The following RASSF5 variants were observed in gnomAD, a reference collection of about 807,000 sequenced individuals.
RASSF5 encodes the protein Ras association domain family member 5, also known as ras association domain-containing protein 5.
Under a neutral mutation model 40.5 loss-of-function variants are expected in RASSF5, and 25 were observed. That is an observed-to-expected ratio of 0.62 (90% CI 0.45 to 0.86). The LOEUF (loss-of-function observed/expected upper bound fraction) is 0.86, where lower values mean the gene tolerates loss of function less well. Ranked by LOEUF, RASSF5 falls within the 40% of genes least tolerant of loss-of-function variation. The probability of loss-of-function intolerance (pLI) is 0.00; values close to 1 mark genes in which losing one functional copy is unlikely to be tolerated. For missense variants in RASSF5, 521 were observed against 572.8 expected, an observed-to-expected ratio of 0.91 and a Z score of 0.92; for synonymous variants, 246 against 252.4, an observed-to-expected ratio of 0.97 and a Z score of 0.24.
intron 2 of RASSF5, among the ~76,000 whole-genome samples, chr1:206,570,703 T>G (rs1668423061): frequency 6.6e-6 from 1 of 152,136 alleles, no homozygotes; most frequent in African/African-American, 2.4e-5. Context: ...TTTTCAAGGT[T>G]CATCCACGTG....
At chr1:206,533,331 G>T (rs1451493570) in intron 1 of RASSF5, among the ~76,000 whole-genome samples, 2 of 152,174 alleles carry the variant, frequency 1.3e-5, no homozygotes, top group Middle Eastern at 3.2e-3. Flanking sequence ...GGCCCACTGT[G>T]ATCTCTGGAG....
At chr1:206,565,391 T>C (rs1668260072) in intron 2 of RASSF5, among the ~76,000 whole-genome samples, 1 of 152,246 alleles carries the variant, frequency 6.6e-6, no homozygotes, top group Admixed American at 6.5e-5. Context: ...CCAGGTTCCC[T>C]TTCCTTCCGG....
At chr1:206,542,258 T>C (rs1553399459) in intron 2 of RASSF5, 1 of 152,184 alleles carries the variant, frequency 6.6e-6, no homozygotes, top group Non-Finnish European at 1.5e-5. Flanking sequence ...GTTTGGGTCA[T>C]GGGGGTGGAT....
intron 2 of RASSF5, 65 bp from the exon 3 acceptor site, chr1:206,583,204 T>C: frequency 9.4e-7 from 1 of 1,062,842 alleles, no homozygotes; most frequent in Non-Finnish European, 1.5e-6. Flanking sequence ...GGGGAGGGCG[T>C]GGTTGTTCCC....
At chr1:206,557,789 A>C in intron 2 of RASSF5, 1 of 1,397,566 alleles carries the variant, frequency 7.2e-7, no homozygotes, top group Non-Finnish European at 9.9e-7. Context: ...AAAGGGACAA[A>C]GCCACATGTC....
Position 206,584,617 on chromosome 1 carries a change from G to C in RASSF5, c.921G>C (p.Lys307Asn), listed in dbSNP as rs782249472. The change falls in exon 4 of 6, where the codon AAG (lysine) becomes AAC (asparagine). Residue 307 changes from lysine (K) to asparagine (N), a missense_variant. By Grantham distance (94) the Lys-to-Asn change is moderately conservative (BLOSUM62 0). Around this residue, in one of 2 missense-constraint regions of RASSF5, gnomAD observed 284 missense variants for 360.8 expected, o/e 0.79. Coordinates refer to ENST00000579436, the MANE Select transcript of RASSF5 (RefSeq NM_182663.4). The surrounding 1 kb of genome is among the most constrained non-coding windows in gnomAD (Gnocchi z 4.9). Reference protein sequence around the residue: ...TVSEVIQGLLKKFMVVDNPQK... With the variant: ...TVSEVIQGLLNKFMVVDNPQK... ...GTGAGGTCATCCAGGGGCTGCTCAA[G>C]AAGTTCATGGTTGTGGACAATCCCC... 19 of 1,614,210 alleles carry C rather than the reference G, an allele frequency of 1.2e-5. No individual in the cohort carries two copies. Among genetic ancestry groups the C allele is most frequent in the Non-Finnish European group, 1.6e-5 (19 of 1,180,042 alleles).
At chr1:206,526,413 A>G (rs1553397235) in intron 1 of RASSF5, among the ~76,000 whole-genome samples, 1 of 152,082 alleles carries the variant, frequency 6.6e-6, no homozygotes, top group Non-Finnish European at 1.5e-5. Context: ...TCAAGGAACT[A>G]CAGTAAGTGG....
intron 1 of RASSF5, among the ~76,000 whole-genome samples, chr1:206,536,103 CAG>C (rs1454114832): frequency 6.6e-6 from 1 of 152,110 alleles, no homozygotes; most frequent in African/African-American, 2.4e-5. Flanking sequence ...GCACTGCGGG[CAG>C]AAGTTTGGCC....
chr1:206,534,082 C>T (rs1172970822), intron 1 of RASSF5, among the ~76,000 whole-genome samples: 4 of 152,180 alleles, frequency 2.6e-5, no homozygotes, highest in Non-Finnish European at 5.9e-5. Flanking sequence ...TCCAGAACTG[C>T]GAGACAGTAA....
Position 206,513,066 on chromosome 1 carries a change from C to T in RASSF5, c.457+5007C>T, listed in dbSNP as rs1553394898. ...CTGACAGGTCTTCAAGGCTTTGGTG[C>T]TGTCTCAGGCCCTCAAGCCATTTCC... On this transcript the variant is annotated intron_variant, in intron 1 of 5. Transcript: ENST00000579436. This position sits in a 1 kb window ranked among gnomAD's most constrained non-coding sequence, Gnocchi z 5.0. Among the ~76,000 whole-genome samples the T allele has an allele frequency of 6.6e-6, 1 of 152,208 alleles. No individual in the cohort carries two copies. The highest frequency in any genetic ancestry group is 2.1e-4 in the South Asian group (1 of 4,832).
intron 2 of RASSF5, among the ~76,000 whole-genome samples, chr1:206,581,697 C>T (rs547732714): frequency 5.3e-5 from 8 of 150,932 alleles, no homozygotes; most frequent in African/African-American, 2.0e-4. Flanking sequence ...AGGATGTCAG[C>T]TGTGCTGAGG....
chr1:206,582,327 A>G (rs1553406538), intron 2 of RASSF5, among the ~76,000 whole-genome samples: 1 of 152,222 alleles, frequency 6.6e-6, no homozygotes, highest in African/African-American at 2.4e-5. Flanking sequence ...ATCTGGGAAC[A>G]TATGAGAAGA....
chr1:206,534,560 C>T (rs147111984), intron 1 of RASSF5, among the ~76,000 whole-genome samples: 2 of 152,268 alleles, frequency 1.3e-5, no homozygotes, highest in South Asian at 2.1e-4. Flanking sequence ...CCTGGAGTCT[C>T]ATCTCCTCTG....
At chr1:206,514,646 A>G (rs1331908519) in intron 1 of RASSF5, among the ~76,000 whole-genome samples, 2 of 152,248 alleles carry the variant, frequency 1.3e-5, no homozygotes, top group African/African-American at 4.8e-5. Context: ...CTTGGCTTAC[A>G]TAGACCTTTA....
chr1:206,585,421 A>T, intron 5 of RASSF5, 126 bp downstream of exon 5: 1 of 725,104 alleles, frequency 1.4e-6, no homozygotes, highest in Non-Finnish European at 2.5e-6. Flanking sequence ...GACTGTTGAG[A>T]GAGTGAGCAG....
In RASSF5 at chr1:206,578,232, AAGTGT is replaced by A. The variant is rs1415188259; in HGVS notation, c.580-5036_580-5032del. ...CAGAGGGAGACATCTCAAAAAAAAAAAGTGTGTGTGTGTGTGTGTGTGTGTGTGTG... is the reference window on the plus strand; with the variant it reads ...CAGAGGGAGACATCTCAAAAAAAAAAGTGTGTGTGTGTGTGTGTGTGTGTG... On this transcript the variant is annotated intron_variant, in intron 2 of 5. Transcript: ENST00000579436. Among the ~76,000 whole-genome samples the A allele has an allele frequency of 3.8e-3, 500 of 130,512 alleles. 1 individual carries two copies. Among genetic ancestry groups the A allele is most frequent in the African/African-American group, 0.012 (399 of 33,558 alleles). 85.6% of individuals were successfully genotyped at this position (130,512 alleles called of 152,430 possible). A position where few individuals can be genotyped will look rare whatever the true frequency, so the allele number is the denominator to read the frequency against.
intron 2 of RASSF5, among the ~76,000 whole-genome samples, chr1:206,563,471 G>A (rs895737990): frequency 1.3e-5 from 2 of 152,072 alleles, no homozygotes; most frequent in Non-Finnish European, 2.9e-5. Flanking sequence ...TCTTGAGGAC[G>A]GGTGCTTTTC....
intron 1 of RASSF5, among the ~76,000 whole-genome samples, chr1:206,508,878 A>G (rs782494475): frequency 4.6e-5 from 7 of 152,042 alleles, no homozygotes; most frequent in Non-Finnish European, 1.0e-4. Context: ...CTGGGCCCCC[A>G]GTGTATAGAT....
intron 2 of RASSF5, among the ~76,000 whole-genome samples, chr1:206,582,853 A>G (rs1030703080): frequency 6.6e-6 from 1 of 152,162 alleles, no homozygotes. Flanking sequence ...GAGACAGACC[A>G]TGGCTTGTAT....
Sources: gnomAD v4.1 joint callset for allele counts (sites outside exome capture counted in the v4.1 genomes callset) on GRCh38, gnomAD v4.1.1 for gene constraint, gnomAD v4.1.1 regional missense constraint, Gnocchi (gnomAD v3.1) non-coding constraint, MANE v1.5 for transcripts, NCBI Gene and HGNC (gene_info 2026-07-23, HGNC 2026-07-21) for gene names.